The following CLMN variants were observed in gnomAD, a reference collection of about 807,000 sequenced individuals.
The protein encoded by CLMN is calmin.
Under a neutral mutation model 92.7 loss-of-function variants are expected in CLMN, and 57 were observed. That is an observed-to-expected ratio of 0.61 (90% CI 0.50 to 0.77). The LOEUF (loss-of-function observed/expected upper bound fraction) is 0.77, where lower values mean the gene tolerates loss of function less well. Among genes scored for constraint, CLMN ranks in the 30% least tolerant of loss-of-function variants. The pLI is 0.00. For synonymous variants in CLMN, 466 were observed against 470.6 expected (o/e 0.99, Z 0.13); for missense variants, 1,158 against 1,237.5 (o/e 0.94, Z 0.96).
chr14:95,306,886 A>G (rs1372307565), intron 1 of CLMN, among the ~76,000 whole-genome samples: 3 of 152,226 alleles, frequency 2.0e-5, no homozygotes, highest in Admixed American at 2.0e-4. Context: ...CACCTTCTAC[A>G]GTAAGAAACC....
intron 10 of CLMN, among the ~76,000 whole-genome samples, chr14:95,196,177 C>A (rs1188977748): frequency 6.6e-6 from 1 of 152,200 alleles, no homozygotes; most frequent in African/African-American, 2.4e-5. Context: ...CCAGCAGAGG[C>A]TCCAAGTCTA....
rs150497163 is a variant in CLMN, at chr14:95,269,912, C to G, written c.83-39779G>C. Among the ~76,000 whole-genome samples, 12 of 151,426 alleles carry G rather than the reference C, an allele frequency of 7.9e-5. No individual in the cohort carries two copies. In the East Asian group the frequency reaches 1.7e-3, roughly 22 times the overall value. ...CCACAGGCTGGAGGTTGGTGCCTGT[C>G]CCTGCATGCCCCTGCAGTGGACTTC... On this transcript the variant is annotated intron_variant, in intron 1 of 12. Transcript: ENST00000298912.
In CLMN at chr14:95,231,662, G is replaced by A. The variant is rs182624890; in HGVS notation, c.83-1529C>T. ...TTATTTTACAGCTGAACAGAATGCA[G>A]CTCAGAGAGGTTCCAGTGACTTGCT... On this transcript the variant is annotated intron_variant, in intron 1 of 12. Transcript: ENST00000298912. Among the ~76,000 whole-genome samples the A allele has an allele frequency of 8.3e-4, 126 of 152,294 alleles. 1 individual carries two copies. In the South Asian group the frequency reaches 0.015, roughly 18 times the overall value.
intron 1 of CLMN, among the ~76,000 whole-genome samples, chr14:95,278,003 C>T (rs979051062): frequency 3.3e-5 from 5 of 152,288 alleles, no homozygotes; most frequent in South Asian, 2.1e-4. Context: ...TTGATATTTG[C>T]GTGACCTTTG....
At chr14:95,253,267 T>C (rs1898860185) in intron 1 of CLMN, among the ~76,000 whole-genome samples, 1 of 152,222 alleles carries the variant, frequency 6.6e-6, no homozygotes, top group African/African-American at 2.4e-5. Context: ...CCTCGGTTTA[T>C]ACATCTGTAA....
chr14:95,239,639 G>C (rs1015665734), intron 1 of CLMN, among the ~76,000 whole-genome samples: 5 of 152,218 alleles, frequency 3.3e-5, no homozygotes, highest in Admixed American at 3.3e-4. Flanking sequence ...CAAAAAGGAA[G>C]AGCTTGCTAA....
At chr14:95,272,791 G>A (rs1045287765) in intron 1 of CLMN, among the ~76,000 whole-genome samples, 3 of 152,192 alleles carry the variant, frequency 2.0e-5, no homozygotes, top group African/African-American at 7.2e-5. Flanking sequence ...TAAAATAATT[G>A]TAAGTTGTTT....
At chr14:95,317,994 A>G (rs1381928934) in intron 1 of CLMN, among the ~76,000 whole-genome samples, 1 of 152,150 alleles carries the variant, frequency 6.6e-6, no homozygotes. Flanking sequence ...AACCTCCAGG[A>G]CCCATCTCAA....
At chr14:95,232,069 G>A (rs564136714) in intron 1 of CLMN, among the ~76,000 whole-genome samples, 6 of 152,330 alleles carry the variant, frequency 3.9e-5, no homozygotes, top group African/African-American at 1.4e-4. Flanking sequence ...TAATAAAACA[G>A]CCCAGGTGGA....
chr14:95,241,715 G>A (rs1312739052), intron 1 of CLMN, among the ~76,000 whole-genome samples: 1 of 152,218 alleles, frequency 6.6e-6, no homozygotes, highest in African/African-American at 2.4e-5. Context: ...CTATGACAAT[G>A]TGACAATACC....
intron 1 of CLMN, among the ~76,000 whole-genome samples, chr14:95,243,896 G>A (rs1898357293): frequency 6.6e-6 from 1 of 151,998 alleles, no homozygotes; most frequent in Non-Finnish European, 1.5e-5. Context: ...TTGGAGGTGG[G>A]GCCTGGTGGG....
At chr14:95,251,187 C>T (rs1898770655) in intron 1 of CLMN, among the ~76,000 whole-genome samples, 1 of 152,158 alleles carries the variant, frequency 6.6e-6, no homozygotes, top group African/African-American at 2.4e-5. Flanking sequence ...CAACGTCCAT[C>T]TTCTTGGTTC....
At chr14:95,251,460 C>A (rs1898782897) in intron 1 of CLMN, among the ~76,000 whole-genome samples, 2 of 152,182 alleles carry the variant, frequency 1.3e-5, no homozygotes, top group South Asian at 2.1e-4. Flanking sequence ...AAATACAATT[C>A]TTTTGTTACA....
intron 1 of CLMN, among the ~76,000 whole-genome samples, chr14:95,245,867 CATGGATGG>C (rs146057054): frequency 7.6e-6 from 1 of 131,062 alleles, no homozygotes; most frequent in South Asian, 2.7e-4. Flanking sequence ...TGGATGGATG[CATGGATGG>C]ATGGATGGAT....
At chr14:95,267,914 G>T (rs1899540511) in intron 1 of CLMN, among the ~76,000 whole-genome samples, 1 of 152,128 alleles carries the variant, frequency 6.6e-6, no homozygotes, top group African/African-American at 2.4e-5. Flanking sequence ...TAAACAACCA[G>T]GCATAAAAAG....
At chr14:95,286,490 G>A (rs1900347311) in intron 1 of CLMN, among the ~76,000 whole-genome samples, 1 of 152,208 alleles carries the variant, frequency 6.6e-6, no homozygotes. Flanking sequence ...GGTAAATGGG[G>A]AGTGACTCCT....
At chr14:95,195,763 T>C (rs1223427961) in intron 10 of CLMN, among the ~76,000 whole-genome samples, 1 of 152,198 alleles carries the variant, frequency 6.6e-6, no homozygotes, top group Non-Finnish European at 1.5e-5. Flanking sequence ...GTGAAGTTCC[T>C]GGGCACAGTA....
intron 3 of CLMN, among the ~76,000 whole-genome samples, chr14:95,222,773 A>G (rs561483593): frequency 7.2e-5 from 11 of 152,312 alleles, no homozygotes; most frequent in African/African-American, 2.4e-4. Context: ...GCTAATAGGT[A>G]TCTTGTGTTT....
chr14:95,212,196 C>T (rs1424797004), intron 6 of CLMN, among the ~76,000 whole-genome samples: 2 of 152,240 alleles, frequency 1.3e-5, no homozygotes, highest in Non-Finnish European at 2.9e-5. Context: ...TGGGCTGGCA[C>T]TGTGCAAGGT....
Sources: gnomAD v4.1 joint callset for allele counts (sites outside exome capture counted in the v4.1 genomes callset) on GRCh38, gnomAD v4.1.1 for gene constraint, MANE v1.5 for transcripts, NCBI Gene and HGNC (gene_info 2026-07-23, HGNC 2026-07-21) for gene names.